RXFP1: variants seen among roughly 807,000 people sequenced by gnomAD.
RXFP1 encodes the protein relaxin family peptide receptor 1.
Under a neutral mutation model 89.8 loss-of-function variants are expected in RXFP1, and 73 were observed. That is an observed-to-expected ratio of 0.81 (90% confidence interval 0.67 to 0.99). The LOEUF is 0.99. RXFP1 is among the 50% of genes least tolerant of loss of function. RXFP1 has a pLI of 0.00. For missense variants in RXFP1, 793 were observed against 895.5 expected, an observed-to-expected ratio of 0.89 and a Z score of 1.46; for synonymous variants, 277 against 305.5, an observed-to-expected ratio of 0.91 and a Z score of 0.97.
At chr4:158,644,487 G>A (rs191416659) in intron 14 of RXFP1, among the ~76,000 whole-genome samples, 5 of 151,340 alleles carry the variant, frequency 3.3e-5, no homozygotes, top group African/African-American at 4.9e-5. Flanking sequence ...AAAAAGCCAC[G>A]GAAGCACAGA....
At chr4:158,546,960 T>G (rs1306378679) in intron 1 of RXFP1, among the ~76,000 whole-genome samples, 2 of 152,152 alleles carry the variant, frequency 1.3e-5, no homozygotes, top group Admixed American at 1.3e-4. Flanking sequence ...GATGCTGGCC[T>G]CATAAAATGA....
At chr4:158,606,090 T>C (rs979511301) in intron 5 of RXFP1, among the ~76,000 whole-genome samples, 1 of 152,186 alleles carries the variant, frequency 6.6e-6, no homozygotes, top group Non-Finnish European at 1.5e-5. Flanking sequence ...ATTCTGAACA[T>C]TTATCAGTCA....
At chr4:158,542,079 CTATATATATATA>C (rs1553993932) in intron 1 of RXFP1, among the ~76,000 whole-genome samples, 8 of 29,834 alleles carry the variant, frequency 2.7e-4, no homozygotes, top group African/African-American at 7.4e-4. Context: ...GCCACCATGG[CTATATATATATA>C]TATATATATA....
intron 2 of RXFP1, among the ~76,000 whole-genome samples, chr4:158,576,793 C>T (rs1579763382): frequency 6.6e-6 from 1 of 152,148 alleles, no homozygotes; most frequent in African/African-American, 2.4e-5. Flanking sequence ...CTCAAAGATG[C>T]CCAGTTGGCA....
chr4:158,628,494 G>T (rs965317479), intron 10 of RXFP1, 144 bp from the exon 11 acceptor site: 11 of 397,768 alleles, frequency 2.8e-5, no homozygotes, highest in Non-Finnish European at 5.1e-5. Context: ...AATTAAATTG[G>T]ATAATTTATA....
rs552231265 is a variant in RXFP1, at chr4:158,544,213, C to T, written c.49+22188C>T. On this transcript the variant is annotated intron_variant, in intron 1 of 17. Transcript: ENST00000307765. ...CGCAAGTCTGAGTTTATAAAGCTGC[C>T]ATCTCCAATATGTCTGTTGAGAAAT... 3.0e-6 allele frequency: 3 copies of T among 985,310 alleles called. No homozygotes were observed. In the East Asian group the frequency reaches 3.4e-4, roughly 112 times the overall value. 61.0% of individuals were successfully genotyped at this position (985,310 alleles called of 1,614,324 possible). A position where few individuals can be genotyped will look rare whatever the true frequency, so the allele number is the denominator to read the frequency against.
At chr4:158,582,553 C>T (rs1665469963) in intron 2 of RXFP1, among the ~76,000 whole-genome samples, 1 of 152,206 alleles carries the variant, frequency 6.6e-6, no homozygotes, top group South Asian at 2.1e-4. Context: ...ATCTGCAGCA[C>T]TCTGGGGCTC....
chr4:158,605,464 G>A (rs1419458944), intron 5 of RXFP1, among the ~76,000 whole-genome samples: 2 of 152,160 alleles, frequency 1.3e-5, no homozygotes, highest in Non-Finnish European at 2.9e-5. Flanking sequence ...ATACCTCAAT[G>A]CTCATCTTAG....
At chr4:158,549,476 T>G (rs994802892) in intron 1 of RXFP1, among the ~76,000 whole-genome samples, 15 of 152,250 alleles carry the variant, frequency 9.9e-5, no homozygotes, top group Non-Finnish European at 1.8e-4. Context: ...CCGTCCGGCT[T>G]TGTTCCGTTG....
At chr4:158,602,827 C>G (rs1487445617) in intron 4 of RXFP1, among the ~76,000 whole-genome samples, 1 of 152,158 alleles carries the variant, frequency 6.6e-6, no homozygotes, top group Non-Finnish European at 1.5e-5. Context: ...GATCTTGGCT[C>G]ACTGCAACCT....
chr4:158,524,458 C>T (rs566762886), intron 1 of RXFP1, among the ~76,000 whole-genome samples: 15 of 152,230 alleles, frequency 9.9e-5, no homozygotes, highest in Admixed American at 5.2e-4. Context: ...ATGGAGAAGA[C>T]GGCACGTTGA....
intron 1 of RXFP1, among the ~76,000 whole-genome samples, chr4:158,528,586 C>A (rs1360915554): frequency 1.3e-5 from 2 of 152,172 alleles, no homozygotes; most frequent in Non-Finnish European, 2.9e-5. Flanking sequence ...AGTCCATGCT[C>A]CTATCCTATT....
chr4:158,612,234 T>A, intron 7 of RXFP1, 33 bp downstream of exon 7: 2 of 1,603,338 alleles, frequency 1.2e-6, no homozygotes, highest in Non-Finnish European at 1.7e-6. Context: ...TTTATTGCAC[T>A]AGTTTTTAGA....
Position 158,646,870 on chromosome 4 carries a change from T to C in RXFP1, c.1425T>C (p.His475=). ...AGTTTCGTGGAGAATACAATAAGCA[T>C]GCGCAGCTGTGGATGGAGAGTACTC... The part of the protein sequence containing the change: ...DLKFRGEYNK[H]AQLWMESTHC... Residue 475 remains histidine, a synonymous_variant, in exon 16 of 18, where the codon CAT becomes CAC. Coordinates refer to ENST00000307765, the MANE Select transcript of RXFP1 (RefSeq NM_021634.4). 1.2e-6 allele frequency: 2 copies of C among 1,614,154 alleles called. No individual in the cohort carries two copies. Among genetic ancestry groups the C allele is most frequent in the Non-Finnish European group, 1.7e-6 (2 of 1,179,982 alleles).
At chr4:158,617,271 GA>G (rs1764768921) in intron 9 of RXFP1, 66 bp downstream of exon 9, 6 of 1,160,592 alleles carry the variant, frequency 5.2e-6, no homozygotes, top group Non-Finnish European at 7.6e-6. Flanking sequence ...ATTCATTCCA[GA>G]TATAAGATTG....
intron 9 of RXFP1, among the ~76,000 whole-genome samples, chr4:158,626,441 AG>A (rs1766845674): frequency 6.6e-6 from 1 of 152,096 alleles, no homozygotes; most frequent in Non-Finnish European, 1.5e-5. Context: ...CACACCACTT[AG>A]GGAAATGCCA....
Position 158,589,022 on chromosome 4 carries a change from T to C in RXFP1, c.188-4379T>C, listed in dbSNP as rs1323537863. ...TGATTTATAAGGAAAAGAGGTTTAA[T>C]TGACTCACAATTCCACATGGCTTGG... On this transcript the variant is annotated intron_variant, in intron 2 of 17. Transcript: ENST00000307765. Among the ~76,000 whole-genome samples, 9 of 152,184 alleles carry C rather than the reference T, an allele frequency of 5.9e-5. No individual in the cohort carries two copies. The East Asian group carries it at 1.7e-3, about 29-fold the overall frequency.
chr4:158,652,436 A>G lies in RXFP1; in HGVS notation c.*381A>G, dbSNP rs1351071394. ...AATGACAAAAGACTATACAAAGTCCATCTGCAGTTCCTAGTTTAAAGTAGA... is the reference window on the plus strand; with the variant it reads ...AATGACAAAAGACTATACAAAGTCCGTCTGCAGTTCCTAGTTTAAAGTAGA... On this transcript the variant is annotated 3_prime_UTR_variant, in exon 18 of 18. Coordinates refer to ENST00000307765, the MANE Select transcript of RXFP1 (RefSeq NM_021634.4). The G allele has an allele frequency of 6.4e-6, 1 of 156,830 alleles. No individual in the cohort carries two copies. The highest frequency in any genetic ancestry group is 6.4e-5 in the Admixed American group (1 of 15,558). The allele number at this position is 156,830 out of a possible 1,614,324, so 9.7% of individuals were successfully genotyped here.
intron 1 of RXFP1, among the ~76,000 whole-genome samples, chr4:158,545,275 C>T (rs1398047728): frequency 2.0e-4 from 30 of 151,814 alleles, no homozygotes; most frequent in African/African-American, 3.4e-4. Flanking sequence ...TCATATCCTT[C>T]GCCCACTTTT....
Sources: gnomAD v4.1 joint callset for allele counts (sites outside exome capture counted in the v4.1 genomes callset) on GRCh38, gnomAD v4.1.1 for gene constraint, MANE v1.5 for transcripts, NCBI Gene and HGNC (gene_info 2026-07-23, HGNC 2026-07-21) for gene names.